The following GMDS variants were observed in gnomAD, a reference collection of about 807,000 sequenced individuals.
GMDS encodes GDP-mannose 4,6 dehydratase.
In GMDS, 20 loss-of-function variants were observed where a neutral mutation model predicts 49.9. The ratio of observed to expected loss-of-function variants is 0.40; its 90% CI spans 0.28 to 0.58. The LOEUF (loss-of-function observed/expected upper bound fraction) is 0.58. Among genes scored for constraint, GMDS ranks in the 20% least tolerant of loss-of-function variants. The pLI, the probability that GMDS is intolerant of heterozygous loss-of-function variation, is 0.42. For synonymous variants in GMDS, 177 were observed against 178.6 expected (o/e 0.99, Z 0.07); for missense variants, 362 against 481.4 (o/e 0.75, Z 2.32).
At position 1,833,533 on chromosome 6, in the gene GMDS, C is replaced by T. The variant is rs3800085; in HGVS notation, c.772-90947G>A. ...TTTTTTTTTGCCTTTTCTTCCTTTC[C>T]CTTCTCCTCCCCTTCCTGAGGGAAC... On this transcript the variant is annotated intron_variant, in intron 7 of 10. Transcript: ENST00000380815. The surrounding 1 kb of genome is among the most constrained non-coding windows in gnomAD (Gnocchi z 4.4). Among the ~76,000 whole-genome samples the T allele has an allele frequency of 1.1e-3, 162 of 152,016 alleles. 1 individual carries two copies. The East Asian group carries it at 0.026, about 24-fold the overall frequency.
chr6:2,094,811 T>A (rs1464660861), intron 4 of GMDS, among the ~76,000 whole-genome samples: 1 of 152,246 alleles, frequency 6.6e-6, no homozygotes, highest in Non-Finnish European at 1.5e-5. Context: ...AACTCTTACA[T>A]GTGGTCAGGG....
intron 1 of GMDS, among the ~76,000 whole-genome samples, chr6:2,152,283 G>C (rs911189318): frequency 6.6e-6 from 1 of 152,028 alleles, no homozygotes; most frequent in African/African-American, 2.4e-5. Context: ...CAATTTAATA[G>C]TATTTAAAAA....
At chr6:1,713,673 T>G (rs922346939) in intron 9 of GMDS, among the ~76,000 whole-genome samples, 4 of 152,236 alleles carry the variant, frequency 2.6e-5, no homozygotes, top group Non-Finnish European at 4.4e-5. Flanking sequence ...CCAAACTGCA[T>G]GAAATTGGCT....
chr6:1,791,166 T>C (rs1561807244), intron 7 of GMDS, among the ~76,000 whole-genome samples: 1 of 152,244 alleles, frequency 6.6e-6, no homozygotes. Flanking sequence ...GTAGCTTTGC[T>C]AGATACCTTG....
intron 7 of GMDS, among the ~76,000 whole-genome samples, chr6:1,743,255 C>T (rs1767344499): frequency 6.6e-6 from 1 of 152,192 alleles, no homozygotes; most frequent in Non-Finnish European, 1.5e-5. Context: ...TCAACTTCCA[C>T]ATCAAAATGG....
chr6:1,829,315 A>G (rs1771254176), intron 7 of GMDS, among the ~76,000 whole-genome samples: 1 of 152,240 alleles, frequency 6.6e-6, no homozygotes, highest in Non-Finnish European at 1.5e-5. Flanking sequence ...ATGTATGTGA[A>G]CGTGTGCGTA....
intron 9 of GMDS, among the ~76,000 whole-genome samples, chr6:1,630,015 G>A (rs1762953004): frequency 2.6e-5 from 4 of 152,130 alleles, no homozygotes; most frequent in Admixed American, 1.3e-4. Context: ...TTCACTTCAG[G>A]AAAGGAGAAC....
At chr6:2,220,770 A>G (rs1489444158) in intron 1 of GMDS, among the ~76,000 whole-genome samples, 1 of 146,782 alleles carries the variant, frequency 6.8e-6, no homozygotes, top group African/African-American at 2.5e-5. Flanking sequence ...TCAAAATCGG[A>G]AAAAAAAAAA....
In GMDS at chr6:1,722,247, TAG is replaced by T. The variant is rs1561756858; in HGVS notation, c.987+4167_987+4168del. Among the ~76,000 whole-genome samples, 134 of 89,996 alleles carry T rather than the reference TAG, an allele frequency of 1.5e-3. 3 individuals are homozygous for T. The highest frequency in any genetic ancestry group is 6.8e-3 in the African/African-American group (102 of 15,068). The allele number at this position is 89,996 out of a possible 152,430, so 59.0% of individuals were successfully genotyped here. On this transcript the variant is annotated intron_variant, in intron 9 of 10. Coordinates refer to ENST00000380815, the MANE Select transcript of GMDS (RefSeq NM_001500.4). ...CTCCCTGGCTAATTATTATTATTAG[TAG>T]TAGTAGTAGTAGTATTTTTAGTAGA...
chr6:2,001,747 C>A (rs1348229342), intron 4 of GMDS, among the ~76,000 whole-genome samples: 1 of 152,112 alleles, frequency 6.6e-6, no homozygotes, highest in African/African-American at 2.4e-5. Context: ...TGTCTAGGAT[C>A]GACTGATTTC....
At chr6:1,952,457 GGATGATGAT>G (rs1025144871) in intron 6 of GMDS, among the ~76,000 whole-genome samples, 1 of 151,948 alleles carries the variant, frequency 6.6e-6, no homozygotes, top group Non-Finnish European at 1.5e-5. Context: ...TTCACAGTAA[GGATGATGAT>G]GATGATGATA....
rs576709219 is a variant in GMDS at position 1,812,981 on chromosome 6, G to A, written c.772-70395C>T. Among the ~76,000 whole-genome samples, 9 of 152,050 alleles carry A rather than the reference G, an allele frequency of 5.9e-5. No homozygotes were observed. In the East Asian group the frequency reaches 9.7e-4, roughly 16 times the overall value. On this transcript the variant is annotated intron_variant, in intron 7 of 10. Transcript: ENST00000380815. ...CTCATGCCTGTAATCCCAGAACTTC[G>A]GGAGACCAAGGCAGGAGGACTGCTT...
intron 9 of GMDS, among the ~76,000 whole-genome samples, chr6:1,706,389 A>C (rs1241811551): frequency 2.0e-5 from 3 of 152,192 alleles, no homozygotes; most frequent in Non-Finnish European, 4.4e-5. Context: ...AGTCAAGGGA[A>C]GTGTCCATGC....
At chr6:1,798,237 G>GCGCA (rs1006501919) in intron 7 of GMDS, among the ~76,000 whole-genome samples, 7 of 143,448 alleles carry the variant, frequency 4.9e-5, no homozygotes, top group African/African-American at 1.8e-4. Flanking sequence ...TAATTACAGA[G>GCGCA]CACACACACA....
At chr6:2,116,236 TA>T (rs1409485097) in intron 3 of GMDS, among the ~76,000 whole-genome samples, 3 of 151,668 alleles carry the variant, frequency 2.0e-5, no homozygotes, top group Admixed American at 1.3e-4. Context: ...TAATAACATG[TA>T]TACCATCTAA....
intron 1 of GMDS, among the ~76,000 whole-genome samples, chr6:2,201,571 C>T (rs576710477): frequency 8.6e-4 from 107 of 124,122 alleles, no homozygotes; most frequent in African/African-American, 1.8e-3. Flanking sequence ...GCAGTGAGGG[C>T]AGCATGTTAG....
In GMDS at chr6:1,932,157, G is replaced by A. The variant is rs915096716; in HGVS notation, c.644-1927C>T. Among the ~76,000 whole-genome samples the A allele has an allele frequency of 7.9e-5, 12 of 151,616 alleles. No homozygotes were observed. In the South Asian group the frequency reaches 1.0e-3, roughly 13 times the overall value. ...AGCTGTGAGACAGGGTGGTACTCCA[G>A]GCAGGAGGAACGGCACTTGCAAAGA... On this transcript the variant is annotated intron_variant, in intron 6 of 10. Coordinates refer to ENST00000380815, the MANE Select transcript of GMDS (RefSeq NM_001500.4).
At chr6:2,051,858 C>T in intron 4 of GMDS, among the ~76,000 whole-genome samples, 1 of 152,106 alleles carries the variant, frequency 6.6e-6, no homozygotes, top group East Asian at 1.9e-4. Context: ...GTGGCTCACG[C>T]CTGTAATGCC....
At chr6:1,746,636 TTAATC>T (rs1561776960) in intron 7 of GMDS, among the ~76,000 whole-genome samples, 4 of 152,182 alleles carry the variant, frequency 2.6e-5, no homozygotes, top group African/African-American at 9.7e-5. Flanking sequence ...AAGTATATAA[TTAATC>T]TATCTGTTCT....
Sources: gnomAD v4.1 joint callset for allele counts (sites outside exome capture counted in the v4.1 genomes callset) on GRCh38, gnomAD v4.1.1 for gene constraint, Gnocchi (gnomAD v3.1) non-coding constraint, MANE v1.5 for transcripts, NCBI Gene and HGNC (gene_info 2026-07-23, HGNC 2026-07-21) for gene names.